POLR2B: variants seen among roughly 807,000 people sequenced by gnomAD.
POLR2B encodes the protein DNA-directed RNA polymerase II subunit RPB2.
In POLR2B, 57 loss-of-function variants were observed where a neutral mutation model predicts 144.6. That is an observed-to-expected ratio of 0.39 (90% CI 0.32 to 0.49). The LOEUF is 0.49. Among genes scored for constraint, POLR2B ranks in the 20% least tolerant of loss-of-function variants. The pLI is 0.83. For missense variants in POLR2B, 595 were observed against 1,467.4 expected (o/e 0.41, Z 9.71); for synonymous variants, 442 against 469.8 (o/e 0.94, Z 0.77).
rs746352595 is a variant in POLR2B, at chr4:56,990,878, A to G, written c.223A>G (p.Ser75Gly). 2 of 1,611,736 alleles carry G rather than the reference A, an allele frequency of 1.2e-6. No homozygotes were observed. Among genetic ancestry groups the G allele is most frequent in the Non-Finnish European group, 1.7e-6 (2 of 1,179,366 alleles). Residue 75 changes from serine to glycine, a missense_variant, in exon 3 of 25, where the codon AGT (serine) becomes GGT (glycine). By Grantham distance (56) the Ser-to-Gly change is moderately conservative (BLOSUM62 0). Transcript: ENST00000314595. ...IDLQAEAQHA[S>G]GEVEEPPRYL... ...CCTACAGGCTGAAGCTCAGCATGCT[A>G]GTGGAGAAGTTGAAGAACCGGTAAG...
At chr4:56,989,289 G>A (rs1393030743) in intron 2 of POLR2B, among the ~76,000 whole-genome samples, 2 of 152,342 alleles carry the variant, frequency 1.3e-5, no homozygotes, top group South Asian at 2.1e-4. Flanking sequence ...CCATGGCTAT[G>A]TATATTACAG....
chr4:57,017,302 T>C lies in POLR2B; in HGVS notation c.2154+61T>C. 1 of 1,244,286 alleles carries C rather than the reference T, an allele frequency of 8.0e-7. No homozygotes were observed. Among genetic ancestry groups the C allele is most frequent in the Non-Finnish European group, 1.2e-6 (1 of 861,162 alleles). 77.1% of individuals were successfully genotyped at this position (1,244,286 alleles called of 1,614,324 possible). ...TGGGAGAAGTAATAAAAATTGAAAG[T>C]AACTCTGTAGTCTTATCTGGAGGGA... On this transcript the variant is annotated intron_variant, in intron 15 of 24. Coordinates refer to ENST00000314595, the MANE Select transcript of POLR2B (RefSeq NM_000938.3). The surrounding 1 kb of genome is among the most constrained non-coding windows in gnomAD (Gnocchi z 4.8).
chr4:57,017,172 CTG>C lies in POLR2B; in HGVS notation c.2088_2089del (p.Cys696Ter). On this transcript the variant is annotated frameshift_variant, in exon 15 of 25. Coordinates refer to ENST00000314595, the MANE Select transcript of POLR2B (RefSeq NM_000938.3). LOFTEE classifies it high-confidence loss of function. This position sits in a 1 kb window ranked among gnomAD's most constrained non-coding sequence, Gnocchi z 4.8. ...TAGCTTATTGTTCCACATATACACA[CTG>C]TGAGATTCATCCCTCAATGATCCTT... is the stretch of plus-strand genomic sequence containing the variant. ...EVAYCSTYTH[C>X]EIHPSMILGV... is the part of the protein sequence containing the mutation. 1 of 1,612,808 alleles carries C rather than the reference CTG, an allele frequency of 6.2e-7. No homozygotes were observed. The highest frequency in any genetic ancestry group is 8.5e-7 in the Non-Finnish European group (1 of 1,179,130).
At chr4:57,004,020 C>CTTTT (rs138828073) in intron 7 of POLR2B, among the ~76,000 whole-genome samples, 5 of 72,332 alleles carry the variant, frequency 6.9e-5, no homozygotes, top group Non-Finnish European at 9.6e-5. Context: ...TAAATTAAAT[C>CTTTT]TTTTTTTTTT....
At chr4:56,980,957 A>G (rs995249205) in intron 1 of POLR2B, among the ~76,000 whole-genome samples, 4 of 151,672 alleles carry the variant, frequency 2.6e-5, no homozygotes, top group Non-Finnish European at 5.9e-5. Flanking sequence ...GGCGTACACC[A>G]CCGTGCCCAG....
At chr4:57,013,507 G>A (rs915131748) in intron 13 of POLR2B, among the ~76,000 whole-genome samples, 1 of 151,974 alleles carries the variant, frequency 6.6e-6, no homozygotes, top group Non-Finnish European at 1.5e-5. Flanking sequence ...GCTTCCCAAA[G>A]TGTTGGGAGC....
chr4:56,989,526 C>T (rs557747899), intron 2 of POLR2B, among the ~76,000 whole-genome samples: 1 of 152,164 alleles, frequency 6.6e-6, no homozygotes, highest in South Asian at 2.1e-4. Context: ...GTTGGCCTGT[C>T]ACTGATGTGC....
chr4:56,989,221 G>A (rs1722433244), intron 2 of POLR2B, among the ~76,000 whole-genome samples: 1 of 152,086 alleles, frequency 6.6e-6, no homozygotes, highest in South Asian at 2.1e-4. Flanking sequence ...CAGCTTCCTG[G>A]GGTAATGAAA....
intron 3 of POLR2B, among the ~76,000 whole-genome samples, chr4:56,993,759 T>C (rs1362503272): frequency 6.6e-6 from 1 of 152,196 alleles, no homozygotes; most frequent in Non-Finnish European, 1.5e-5. Context: ...AATAAAAAAA[T>C]CTTTTTCTTT....
intron 10 of POLR2B, 29 bp from the exon 11 acceptor site, chr4:57,010,332 G>T: frequency 2.5e-6 from 4 of 1,608,168 alleles, no homozygotes; most frequent in South Asian, 1.1e-5. Flanking sequence ...GAAATGTCCA[G>T]ACTTTAAAGA....
intron 7 of POLR2B, 37 bp from the exon 8 acceptor site, chr4:57,005,209 G>A (rs899448138): frequency 3.0e-5 from 38 of 1,286,134 alleles, no homozygotes; most frequent in Non-Finnish European, 4.0e-5. Flanking sequence ...GTAGCAACAT[G>A]AATTTGAAAA....
intron 17 of POLR2B, among the ~76,000 whole-genome samples, chr4:57,021,690 G>A (rs1260063021): frequency 6.6e-6 from 1 of 151,758 alleles, no homozygotes; most frequent in East Asian, 1.9e-4. Flanking sequence ...TAGTAGAGAC[G>A]GGGTTTCACC....
chr4:57,014,221 G>A (rs553259736), intron 13 of POLR2B, among the ~76,000 whole-genome samples: 1 of 152,086 alleles, frequency 6.6e-6, no homozygotes, highest in Non-Finnish European at 1.5e-5. Context: ...TTGAGACAGG[G>A]TCTTACTCTA....
In POLR2B at chr4:57,014,110, T is replaced by A. The variant is rs114453502; in HGVS notation, c.1801-1392T>A. ...CTCACAGTGTTCCTCCTTAAATTAC[T>A]TTCTAAGGACAGGCAGTAGACTAGG... On this transcript the variant is annotated intron_variant, in intron 13 of 24. Coordinates refer to ENST00000314595, the MANE Select transcript of POLR2B (RefSeq NM_000938.3). Among the ~76,000 whole-genome samples the A allele has an allele frequency of 6.1e-3, 927 of 152,358 alleles. 11 individuals are homozygous for A. Among genetic ancestry groups the A allele is most frequent in the African/African-American group, 0.021 (891 of 41,588 alleles).
intron 1 of POLR2B, among the ~76,000 whole-genome samples, chr4:56,979,374 A>G (rs1269586010): frequency 7.9e-6 from 1 of 126,590 alleles, no homozygotes; most frequent in Non-Finnish European, 1.6e-5. Flanking sequence ...GAATAGCTCA[A>G]TTGTTGAGTG....
In POLR2B at chr4:57,017,115, A is replaced by T; in HGVS notation, c.2028A>T (p.Ala676=). ...DTLEEETVML[A]MTPDDLQEKE... is the part of the protein sequence containing the mutation. The stretch of plus-strand genomic sequence containing the variant: ...TGGAAGAAGAAACAGTGATGCTTGC[A>T]ATGACTCCAGATGATTTACAGGAGA... Residue 676 remains alanine (A), a synonymous_variant, in exon 15 of 25, where the codon GCA becomes GCT. Transcript: ENST00000314595. The surrounding 1 kb of genome is among the most constrained non-coding windows in gnomAD (Gnocchi z 4.8). 1 of 1,612,700 alleles carries T rather than the reference A, an allele frequency of 6.2e-7. No individual in the cohort carries two copies. The highest frequency in any genetic ancestry group is 8.5e-7 in the Non-Finnish European group (1 of 1,179,108).
intron 18 of POLR2B, 129 bp downstream of exon 18, chr4:57,022,375 AGT>A (rs1723581516): frequency 1.6e-6 from 1 of 628,258 alleles, no homozygotes; most frequent in African/African-American, 1.9e-5. Flanking sequence ...GTGCAATGAA[AGT>A]GTGTTTTCAT....
At chr4:57,009,397 G>T (rs1192051025) in intron 10 of POLR2B, among the ~76,000 whole-genome samples, 1 of 152,088 alleles carries the variant, frequency 6.6e-6, no homozygotes, top group Admixed American at 6.5e-5. Flanking sequence ...TGTTTTTGGG[G>T]CTTCATTGAG....
intron 6 of POLR2B, among the ~76,000 whole-genome samples, chr4:56,998,221 A>ATT (rs71657245): frequency 1.2e-4 from 17 of 143,192 alleles, no homozygotes; most frequent in Admixed American, 1.4e-4. Flanking sequence ...TTTTCTTTAA[A>ATT]TTTTTTTTTT....
Sources: allele counts gnomAD v4.1 joint callset (sites outside exome capture counted in the v4.1 genomes callset), GRCh38; gene constraint gnomAD v4.1.1; non-coding constraint Gnocchi (gnomAD v3.1); transcripts MANE v1.5; gene names NCBI Gene and HGNC (gene_info 2026-07-23, HGNC 2026-07-21).